FHL3: variants seen among roughly 807,000 people sequenced by gnomAD.
The protein encoded by FHL3 is four and a half LIM domains 3.
In FHL3, 21 loss-of-function variants were observed where a neutral mutation model predicts 34.3. The observed-to-expected ratio is 0.61, with a 90% CI of 0.43 to 0.88. The LOEUF (loss-of-function observed/expected upper bound fraction) is 0.88. Among genes scored for constraint, FHL3 ranks in the 40% least tolerant of loss-of-function variants. FHL3 has a pLI of 0.00. For synonymous variants in FHL3, 137 were observed against 144.6 expected (o/e 0.95, Z 0.38); for missense variants, 333 against 373.7 (o/e 0.89, Z 0.90).
chr1:37,998,779 CAT>C (rs768252427), intron 3 of FHL3, 193 bp downstream of exon 3: 159 of 600,082 alleles, frequency 2.6e-4, no homozygotes, highest in Non-Finnish European at 4.3e-4. Flanking sequence ...GTATGTATCA[CAT>C]GTGTCAATCT....
intron 1 of FHL3, among the ~76,000 whole-genome samples, chr1:38,000,034 G>C (rs1366448692): frequency 6.6e-6 from 1 of 152,184 alleles, no homozygotes; most frequent in East Asian, 1.9e-4. Flanking sequence ...CTTCCCTCCC[G>C]GGGAATCAGC....
At chr1:37,999,548 T>TA in intron 1 of FHL3, 116 bp from the exon 2 acceptor site, 4 of 945,638 alleles carry the variant, frequency 4.2e-6, no homozygotes, top group South Asian at 1.7e-5. Context: ...GAAATGCCAG[T>TA]TCAGAGTAGG....
Position 37,997,319 on chromosome 1 carries a change from G to A in FHL3, c.*86C>T. ...AAGGAGACCCATTTTTTTTGGCGGG[G>A]GGAGCTGAGTCCCAGAGGTGGTTTA... On this transcript the variant is annotated 3_prime_UTR_variant, in exon 6 of 6. Transcript: ENST00000373016. The surrounding 1 kb of genome is among the most constrained non-coding windows in gnomAD (Gnocchi z 4.3). 1 of 1,436,662 alleles carries A rather than the reference G, an allele frequency of 7.0e-7. No individual in the cohort carries two copies. Among genetic ancestry groups the A allele is most frequent in the Non-Finnish European group, 9.4e-7 (1 of 1,063,336 alleles). 89.0% of individuals were successfully genotyped at this position (1,436,662 alleles called of 1,614,324 possible).
intron 1 of FHL3, among the ~76,000 whole-genome samples, chr1:38,000,099 G>A (rs1421253917): frequency 1.3e-5 from 2 of 152,360 alleles, no homozygotes; most frequent in Admixed American, 1.3e-4. Context: ...AGGAAATCCT[G>A]CAAGCTGGAC....
chr1:38,003,334 C>T (rs1484603111), intron 1 of FHL3, among the ~76,000 whole-genome samples: 1 of 152,158 alleles, frequency 6.6e-6, no homozygotes, highest in Non-Finnish European at 1.5e-5. Flanking sequence ...GAACTCCTGG[C>T]TTCAAGTGAT....
At chr1:38,000,695 G>T (rs1189743235) in intron 1 of FHL3, among the ~76,000 whole-genome samples, 2 of 152,120 alleles carry the variant, frequency 1.3e-5, no homozygotes, top group Admixed American at 6.5e-5. Flanking sequence ...GTAGGGAAGT[G>T]GGGTTCCCAG....
In FHL3 at chr1:37,999,263, G is replaced by A. The variant is rs1646568630; in HGVS notation, c.150C>T (p.Asp50=). The change falls in exon 2 of 6, where the codon GAC becomes GAT. Residue 50 remains aspartate, a synonymous_variant. Coordinates refer to ENST00000373016, the MANE Select transcript of FHL3 (RefSeq NM_004468.5). ...GGCCTGGCCCTCTCCTTACCCTCGAGTCATGCCCGATAAGCTGCTGGCACT... is the reference window on the plus strand; with the variant it reads ...GGCCTGGCCCTCTCCTTACCCTCGAATCATGCCCGATAAGCTGCTGGCACT... The part of the protein sequence containing the change: ...CAECQQLIGH[D]SRELFYEDRH... 9.3e-6 allele frequency: 15 copies of A among 1,614,196 alleles called. No homozygotes were observed. The highest frequency in any genetic ancestry group is 1.3e-5 in the Non-Finnish European group (15 of 1,180,036).
At chr1:37,998,390 A>G (rs1422808138) in intron 3 of FHL3, among the ~76,000 whole-genome samples, 1 of 152,094 alleles carries the variant, frequency 6.6e-6, no homozygotes, top group Non-Finnish European at 1.5e-5. Flanking sequence ...CAATTTCAGC[A>G]CACATCAAGC....
chr1:37,998,801 T>C (rs756374229), intron 3 of FHL3, 173 bp downstream of exon 3: 50 of 643,536 alleles, frequency 7.8e-5, no homozygotes, highest in Non-Finnish European at 1.0e-4. Context: ...TGCCTGTACA[T>C]AGTAGCCCCC....
intron 1 of FHL3, 104 bp from the exon 2 acceptor site, chr1:37,999,536 A>ATGCCG: frequency 1.9e-6 from 2 of 1,052,912 alleles, no homozygotes; most frequent in Non-Finnish European, 2.8e-6. Flanking sequence ...GACCCGGCAT[A>ATGCCG]GGAAATGCCA....
rs1201407170 is a variant in FHL3, at chr1:37,999,114, C to T, written c.191G>A (p.Gly64Asp). The T allele has an allele frequency of 6.2e-7, 1 of 1,614,188 alleles. No homozygotes were observed. Among genetic ancestry groups the T allele is most frequent in the Non-Finnish European group, 8.5e-7 (1 of 1,180,040 alleles). ...CTGGCAGCGGCAGCAGCGGAAGCAG[C>T]CCTCGTGGAAATGGCGGTCTTCATA... Reference protein sequence around the residue: ...LFYEDRHFHEGCFRCCRCQRS... With the variant: ...LFYEDRHFHEDCFRCCRCQRS... The change falls in exon 3 of 6, where the codon GGC becomes GAC. Residue 64 changes from glycine to aspartate, a missense_variant. Transcript: ENST00000373016.
chr1:38,004,254 G>A (rs916593392), intron 1 of FHL3, among the ~76,000 whole-genome samples: 13 of 152,052 alleles, frequency 8.5e-5, no homozygotes, highest in Non-Finnish European at 1.0e-4. Flanking sequence ...GGCTGAGGCA[G>A]CCCATCCAAG....
Position 37,997,292 on chromosome 1 carries a change from A to G in FHL3, c.*113T>C. 8.5e-7 allele frequency: 1 copy of G among 1,171,982 alleles called. No individual in the cohort carries two copies. Among genetic ancestry groups the G allele is most frequent in the South Asian group, 1.5e-5 (1 of 68,430 alleles). 72.6% of individuals were successfully genotyped at this position (1,171,982 alleles called of 1,614,324 possible). On this transcript the variant is annotated 3_prime_UTR_variant, in exon 6 of 6. Coordinates refer to ENST00000373016, the MANE Select transcript of FHL3 (RefSeq NM_004468.5). This position sits in a 1 kb window ranked among gnomAD's most constrained non-coding sequence, Gnocchi z 4.3. ...GAGTGGGGAGACAATCCTGGAGCCC[A>G]GAAGGAGACCCATTTTTTTTGGCGG...
chr1:37,998,710 A>G lies in FHL3; in HGVS notation c.331+264T>C, dbSNP rs755442629. 287 of 485,964 alleles carry G rather than the reference A, an allele frequency of 5.9e-4. 4 individuals carry two copies. Among genetic ancestry groups the G allele is most frequent in the Non-Finnish European group, 9.5e-4 (253 of 267,468 alleles). The allele number at this position is 485,964 out of a possible 1,614,324, so 30.1% of individuals were successfully genotyped here. ...ATGCAACAAGCATGACAGTCTCAGC[A>G]CACCTCTAGTTCCTACCTGTACTAA... is the stretch of plus-strand genomic sequence containing the variant. On this transcript the variant is annotated intron_variant, in intron 3 of 5. Transcript: ENST00000373016.
rs778706057 is a variant in FHL3 at position 37,998,113 on chromosome 1, A to G, written c.351T>C (p.Tyr117=). The G allele has an allele frequency of 1.1e-5, 17 of 1,614,032 alleles. No homozygotes were observed. Among genetic ancestry groups the G allele is most frequent in the East Asian group, 6.7e-5 (3 of 44,870 alleles). Reference sequence around the variant, plus strand: ...AGTGCTCATGCCATGTCTGGCCTCCATATTCCAGCTTCCGGGACCCTGTGG... The same window carrying G: ...AGTGCTCATGCCATGTCTGGCCTCCGTATTCCAGCTTCCGGGACCCTGTGG... ...TVMPGSRKLE[Y]GGQTWHEHCF... The change falls in exon 4 of 6, where the codon TAT becomes TAC. Residue 117 remains tyrosine (Y), a synonymous_variant. Transcript: ENST00000373016.
intron 1 of FHL3, among the ~76,000 whole-genome samples, chr1:38,002,990 T>A (rs561062786): frequency 7.9e-5 from 12 of 151,362 alleles, no homozygotes; most frequent in Non-Finnish European, 1.6e-4. Context: ...AAAACCCATC[T>A]CCACTAAAAA....
At chr1:38,002,779 T>TC (rs1646608679) in intron 1 of FHL3, among the ~76,000 whole-genome samples, 1 of 149,202 alleles carries the variant, frequency 6.7e-6, no homozygotes, top group African/African-American at 2.5e-5. Context: ...GCCTTTTTGT[T>TC]TTTTTTTTTT....
intron 3 of FHL3, 148 bp from the exon 4 acceptor site, chr1:37,998,280 A>G (rs1424980397): frequency 6.0e-6 from 4 of 666,026 alleles, no homozygotes; most frequent in South Asian, 5.6e-5. Flanking sequence ...CGCCCTATGT[A>G]TATTACACAT....
chr1:38,004,446 C>T (rs1337348494), intron 1 of FHL3, among the ~76,000 whole-genome samples: 1 of 152,072 alleles, frequency 6.6e-6, no homozygotes, highest in Admixed American at 6.6e-5. Flanking sequence ...AGGGGCTGTC[C>T]TGGAAGCTGT....
Sources: allele counts gnomAD v4.1 joint callset (sites outside exome capture counted in the v4.1 genomes callset), GRCh38; gene constraint gnomAD v4.1.1; non-coding constraint Gnocchi (gnomAD v3.1); transcripts MANE v1.5; gene names NCBI Gene and HGNC (gene_info 2026-07-23, HGNC 2026-07-21).